CADM2: variants seen among roughly 807,000 people sequenced by gnomAD.
CADM2 encodes the protein immunoglobulin superfamily member 4D.
A neutral mutation model predicts 49.8 loss-of-function variants in CADM2; 12 were observed. That is an observed-to-expected ratio of 0.24 (90% CI 0.15 to 0.39). CADM2 has a LOEUF of 0.39. CADM2 is among the 10% of genes least tolerant of loss of function. The pLI, the probability that CADM2 is intolerant of heterozygous loss-of-function variation, is 1.00. For synonymous variants in CADM2, 214 were observed against 175.4 expected, an observed-to-expected ratio of 1.22 and a Z score of -1.74; for missense variants, 378 against 492.3, an observed-to-expected ratio of 0.77 and a Z score of 2.20.
chr3:85,432,236 C>A (rs571270465), intron 1 of CADM2, among the ~76,000 whole-genome samples: 1 of 151,718 alleles, frequency 6.6e-6, no homozygotes, highest in Non-Finnish European at 1.5e-5. Flanking sequence ...GTCCATTCAG[C>A]CTGTGACAAC....
intron 1 of CADM2, among the ~76,000 whole-genome samples, chr3:85,422,850 A>C (rs1207348753): frequency 2.6e-5 from 4 of 151,682 alleles, no homozygotes; most frequent in Non-Finnish European, 5.9e-5. Context: ...ACCCCACGGC[A>C]GTGTCTCGGG....
Position 85,990,013 on chromosome 3 carries a change from CAAAAAAAAAA to C in CADM2, c.970+28388_970+28397del, listed in dbSNP as rs58178176. On this transcript the variant is annotated intron_variant, in intron 8 of 9. Transcript: ENST00000383699. ...GGCGACAAGAGAGAAACTCCATGTC[CAAAAAAAAAA>C]AAAAAAAAAAAAAAAAAAAAAGAAG... Among the ~76,000 whole-genome samples the C allele has an allele frequency of 8.3e-4, 8 of 9,640 alleles. No homozygotes were observed. In the Admixed American group the frequency reaches 8.3e-3, roughly 10 times the overall value. 6.3% of individuals were successfully genotyped at this position (9,640 alleles called of 152,430 possible). A position where few individuals can be genotyped will look rare whatever the true frequency, so the allele number is the denominator to read the frequency against.
chr3:85,325,341 G>A (rs1480551358), intron 1 of CADM2, among the ~76,000 whole-genome samples: 2 of 152,082 alleles, frequency 1.3e-5, no homozygotes, highest in African/African-American at 2.4e-5. Context: ...TCTATTTGTT[G>A]AGATATCTTG....
chr3:85,452,647 T>G (rs1217058229), intron 1 of CADM2, among the ~76,000 whole-genome samples: 1 of 152,192 alleles, frequency 6.6e-6, no homozygotes, highest in African/African-American at 2.4e-5. Context: ...TTGCAAATTC[T>G]CTTTCGTTTG....
At chr3:85,283,883 G>A (rs1037914002) in intron 1 of CADM2, among the ~76,000 whole-genome samples, 1 of 152,134 alleles carries the variant, frequency 6.6e-6, no homozygotes, top group Non-Finnish European at 1.5e-5. Context: ...AGAGTTTCAA[G>A]AAGGACATAT....
rs145566237 is a variant in CADM2, at chr3:85,759,882, C to T, written c.88+33334C>T. Among the ~76,000 whole-genome samples, 807 of 152,086 alleles carry T rather than the reference C, an allele frequency of 5.3e-3. 6 individuals carry two copies. The highest frequency in any genetic ancestry group is 0.018 in the African/African-American group (754 of 41,508). On this transcript the variant is annotated intron_variant, in intron 2 of 9. Coordinates refer to ENST00000383699, the MANE Select transcript of CADM2 (RefSeq NM_001167675.2). ...CAACAGAATTACAAAACTCTTTTTC[C>T]ATACACTTTCTCCAAATTCTACTAT... is the stretch of plus-strand genomic sequence containing the variant.
chr3:85,235,828 T>G (rs2042395659), intron 1 of CADM2, among the ~76,000 whole-genome samples: 1 of 152,140 alleles, frequency 6.6e-6, no homozygotes, highest in Non-Finnish European at 1.5e-5. Flanking sequence ...ACTATGTGGT[T>G]TGTAATTAAT....
intron 1 of CADM2, among the ~76,000 whole-genome samples, chr3:85,676,980 G>A (rs2065903064): frequency 6.6e-6 from 1 of 152,098 alleles, no homozygotes; most frequent in Non-Finnish European, 1.5e-5. Flanking sequence ...TAGGTTTATA[G>A]AACTTACAGG....
At chr3:85,392,353 A>T (rs997946467) in intron 1 of CADM2, among the ~76,000 whole-genome samples, 16 of 152,116 alleles carry the variant, frequency 1.1e-4, no homozygotes, top group Non-Finnish European at 2.4e-4. Flanking sequence ...CTGTGTTGTT[A>T]CACAGGCTAT....
intron 1 of CADM2, among the ~76,000 whole-genome samples, chr3:84,995,627 T>C (rs2107194013): frequency 6.6e-6 from 1 of 152,346 alleles, no homozygotes. Flanking sequence ...CTGGAGATTA[T>C]ATGTAGTGCC....
At chr3:85,676,841 G>A (rs1034144805) in intron 1 of CADM2, among the ~76,000 whole-genome samples, 3 of 151,840 alleles carry the variant, frequency 2.0e-5, no homozygotes, top group African/African-American at 4.8e-5. Context: ...CACCACCATC[G>A]CCTCAACACA....
chr3:85,319,193 C>T (rs2044541411), intron 1 of CADM2, among the ~76,000 whole-genome samples: 1 of 152,104 alleles, frequency 6.6e-6, no homozygotes, highest in Non-Finnish European at 1.5e-5. Context: ...AATTTTTTAA[C>T]CTCTTGAATT....
intron 1 of CADM2, among the ~76,000 whole-genome samples, chr3:85,589,896 A>G (rs1052222572): frequency 1.3e-5 from 2 of 152,026 alleles, no homozygotes; most frequent in Non-Finnish European, 2.9e-5. Flanking sequence ...AATGAAAATA[A>G]ACTTATTAGA....
chr3:86,010,558 C>A lies in CADM2; in HGVS notation c.970+48911C>A, dbSNP rs566096206. Among the ~76,000 whole-genome samples the A allele has an allele frequency of 7.9e-5, 12 of 151,030 alleles. No homozygotes were observed. In the South Asian group the frequency reaches 2.5e-3, roughly 32 times the overall value. Reference sequence around the variant, plus strand: ...AAAATACCTAGAAATAACAGCTAACCTAACAAATATATAAGCTCTGTTTAA... The same window carrying A: ...AAAATACCTAGAAATAACAGCTAACATAACAAATATATAAGCTCTGTTTAA... On this transcript the variant is annotated intron_variant, in intron 8 of 9. Coordinates refer to ENST00000383699, the MANE Select transcript of CADM2 (RefSeq NM_001167675.2).
intron 1 of CADM2, among the ~76,000 whole-genome samples, chr3:85,563,740 G>A (rs2062168437): frequency 6.6e-6 from 1 of 152,070 alleles, no homozygotes; most frequent in Admixed American, 6.6e-5. Flanking sequence ...AAATTTGCAC[G>A]GTGATGACTA....
chr3:85,247,049 G>T (rs1338648500), intron 1 of CADM2, among the ~76,000 whole-genome samples: 9 of 151,800 alleles, frequency 5.9e-5, no homozygotes, highest in Non-Finnish European at 5.9e-5. Flanking sequence ...GAAATTAAAT[G>T]GTTAAGATAT....
At chr3:85,408,537 A>G (rs1283368936) in intron 1 of CADM2, among the ~76,000 whole-genome samples, 1 of 152,168 alleles carries the variant, frequency 6.6e-6, no homozygotes, top group African/African-American at 2.4e-5. Context: ...CAAACTATAG[A>G]GATATGTTCT....
chr3:85,658,390 CT>C (rs1404049385), intron 1 of CADM2, among the ~76,000 whole-genome samples: 2 of 151,642 alleles, frequency 1.3e-5, no homozygotes, highest in Non-Finnish European at 2.9e-5. Flanking sequence ...TCATCTAGGA[CT>C]TCTAATCTCT....
intron 1 of CADM2, among the ~76,000 whole-genome samples, chr3:85,471,055 A>C (rs1486044682): frequency 1.3e-5 from 2 of 152,176 alleles, no homozygotes; most frequent in African/African-American, 4.8e-5. Flanking sequence ...TTAGGAAACA[A>C]ACTAAAGCTG....
Sources: gnomAD v4.1 joint callset for allele counts (sites outside exome capture counted in the v4.1 genomes callset) on GRCh38, gnomAD v4.1.1 for gene constraint, MANE v1.5 for transcripts, NCBI Gene and HGNC (gene_info 2026-07-23, HGNC 2026-07-21) for gene names.